PRKAG2: variants seen among roughly 807,000 people sequenced by gnomAD.
PRKAG2 encodes the protein protein kinase AMP-activated non-catalytic subunit gamma 2.
A neutral mutation model predicts 69.6 loss-of-function variants in PRKAG2; 26 were observed. The ratio of observed to expected loss-of-function variants is 0.37; its 90% confidence interval spans 0.27 to 0.52. The LOEUF (loss-of-function observed/expected upper bound fraction) is 0.52, where lower values mean the gene tolerates loss of function less well. Ranked by LOEUF, PRKAG2 falls within the 20% of genes least tolerant of loss-of-function variation. The pLI, the probability that PRKAG2 is intolerant of heterozygous loss-of-function variation, is 0.90. For missense variants in PRKAG2, 557 were observed against 740.0 expected, an observed-to-expected ratio of 0.75 and a Z score of 2.87; for synonymous variants, 293 against 285.0, an observed-to-expected ratio of 1.03 and a Z score of -0.28.
intron 14 of PRKAG2, among the ~76,000 whole-genome samples, chr7:151,561,274 G>A (rs959707188): frequency 4.6e-5 from 7 of 152,142 alleles, no homozygotes; most frequent in South Asian, 4.1e-4. Context: ...GAAACACAAC[G>A]TAGCTATCAT....
intron 5 of PRKAG2, among the ~76,000 whole-genome samples, chr7:151,624,505 A>G (rs901860812): frequency 6.6e-6 from 1 of 152,240 alleles, no homozygotes; most frequent in East Asian, 1.9e-4. Context: ...AAAGGTTCCC[A>G]GACTAGTTCC....
At chr7:151,723,361 A>T (rs1372897441) in intron 3 of PRKAG2, among the ~76,000 whole-genome samples, 1 of 152,168 alleles carries the variant, frequency 6.6e-6, no homozygotes, top group Non-Finnish European at 1.5e-5. Context: ...TGATTGAAGG[A>T]CCATGACGCA....
intron 3 of PRKAG2, among the ~76,000 whole-genome samples, chr7:151,749,241 C>A (rs942264711): frequency 6.6e-6 from 1 of 152,210 alleles, no homozygotes. Flanking sequence ...GATAGTTAGA[C>A]CCTGAGTCAG....
chr7:151,611,377 G>A (rs1236136618), intron 5 of PRKAG2, among the ~76,000 whole-genome samples: 2 of 152,212 alleles, frequency 1.3e-5, no homozygotes, highest in African/African-American at 4.8e-5. Context: ...CTCAGATCCA[G>A]GGCGGTGCAG....
chr7:151,726,537 C>T (rs929729031), intron 3 of PRKAG2, among the ~76,000 whole-genome samples: 9 of 152,134 alleles, frequency 5.9e-5, no homozygotes, highest in African/African-American at 2.2e-4. Context: ...CTGTCACAGC[C>T]CCGACTGGAA....
In PRKAG2 at chr7:151,699,553, T is replaced by C. The variant is rs1177676589; in HGVS notation, c.467-23916A>G. Among the ~76,000 whole-genome samples the C allele has an allele frequency of 1.3e-5, 2 of 152,212 alleles. No individual in the cohort carries two copies. The highest frequency in any genetic ancestry group is 2.9e-5 in the Non-Finnish European group (2 of 68,036). On this transcript the variant is annotated intron_variant, in intron 3 of 15. Coordinates refer to ENST00000287878, the MANE Select transcript of PRKAG2 (RefSeq NM_016203.4). This position sits in a 1 kb window ranked among gnomAD's most constrained non-coding sequence, Gnocchi z 4.5. Reference sequence around the variant, plus strand: ...AATGGCAAAGGGCCTTTCAGACTACTTTTGCTTTGAAATAAATCAGTGAAT... The same window carrying C: ...AATGGCAAAGGGCCTTTCAGACTACCTTTGCTTTGAAATAAATCAGTGAAT...
rs564130332 is a variant in PRKAG2, at chr7:151,599,229, C to T, written c.755-3775G>A. On this transcript the variant is annotated intron_variant, in intron 5 of 15. Transcript: ENST00000287878. Reference sequence around the variant, plus strand: ...CACACTGATAAGGAAAAGGCAACACCGTCCAACCAATCATGGAAATCTAGG... The same window carrying T: ...CACACTGATAAGGAAAAGGCAACACTGTCCAACCAATCATGGAAATCTAGG... Among the ~76,000 whole-genome samples the T allele has an allele frequency of 4.6e-5, 7 of 152,160 alleles. No individual in the cohort carries two copies. The South Asian group carries it at 6.2e-4, about 14-fold the overall frequency.
chr7:151,568,629 T>G, intron 11 of PRKAG2, 87 bp downstream of exon 11: 1 of 1,439,300 alleles, frequency 6.9e-7, no homozygotes, highest in Non-Finnish European at 9.7e-7. Context: ...TTTCTTCTAC[T>G]GAGGGTAACA....
intron 3 of PRKAG2, among the ~76,000 whole-genome samples, chr7:151,763,712 C>T (rs1302043376): frequency 6.6e-6 from 1 of 152,238 alleles, no homozygotes; most frequent in Admixed American, 6.5e-5. Flanking sequence ...TCCTTGGCCT[C>T]TTTCATGGAC....
At chr7:151,600,002 T>A (rs1440210632) in intron 5 of PRKAG2, among the ~76,000 whole-genome samples, 1 of 152,208 alleles carries the variant, frequency 6.6e-6, no homozygotes, top group Non-Finnish European at 1.5e-5. Context: ...TGAAATACTT[T>A]CTCCGTCTGT....
chr7:151,755,272 C>G (rs573434575), intron 3 of PRKAG2, among the ~76,000 whole-genome samples: 12 of 152,248 alleles, frequency 7.9e-5, no homozygotes, highest in African/African-American at 2.2e-4. Flanking sequence ...CTGGGAGGCA[C>G]GGCACAGCAC....
intron 1 of PRKAG2, among the ~76,000 whole-genome samples, chr7:151,829,220 T>A (rs79311137): frequency 0.028 from 4,222 of 152,254 alleles, 179 homozygotes; most frequent in African/African-American, 0.096. Flanking sequence ...GATCTGAAAG[T>A]CATTTCTCCA....
chr7:151,662,922 T>C (rs184821828), intron 4 of PRKAG2, among the ~76,000 whole-genome samples: 1 of 152,110 alleles, frequency 6.6e-6, no homozygotes, highest in Non-Finnish European at 1.5e-5. Flanking sequence ...AACACAAGTC[T>C]GGGCTTGGCA....
At chr7:151,594,790 G>A (rs916978818) in intron 6 of PRKAG2, among the ~76,000 whole-genome samples, 2 of 151,712 alleles carry the variant, frequency 1.3e-5, no homozygotes. Flanking sequence ...ACAACTTGTG[G>A]ACTAAGCTTT....
At chr7:151,803,272 T>C (rs556785894) in intron 1 of PRKAG2, among the ~76,000 whole-genome samples, 1 of 152,308 alleles carries the variant, frequency 6.6e-6, no homozygotes, top group East Asian at 1.9e-4. Flanking sequence ...TAAGTGATTT[T>C]AAAGGTAATA....
chr7:151,614,873 C>T lies in PRKAG2; in HGVS notation c.754+17196G>A, dbSNP rs1487240401. Among the ~76,000 whole-genome samples, 1 of 152,204 alleles carries T rather than the reference C, an allele frequency of 6.6e-6. No homozygotes were observed. The highest frequency in any genetic ancestry group is 1.5e-5 in the Non-Finnish European group (1 of 68,040). ...CAGTCTCCTCACCTTTACACTGGAA[C>T]AAAAGAGCCTCAAAGGGGCCATGTG... On this transcript the variant is annotated intron_variant, in intron 5 of 15. Coordinates refer to ENST00000287878, the MANE Select transcript of PRKAG2 (RefSeq NM_016203.4). The surrounding 1 kb of genome is among the most constrained non-coding windows in gnomAD (Gnocchi z 4.4).
In PRKAG2 at chr7:151,795,879, ATATATATATAT is replaced by A. The variant is rs1563689714; in HGVS notation, c.115-9349_115-9339del. On this transcript the variant is annotated intron_variant, in intron 1 of 15. Transcript: ENST00000287878. ...TATATATATATATATATATATATAT[ATATATATATAT>A]CACGATAATATGTATATGTAATCAT... 3.6e-4 allele frequency among the ~76,000 whole-genome samples: 42 copies of A among 115,874 alleles called. 1 individual carries two copies. The highest frequency in any genetic ancestry group is 1.4e-3 in the African/African-American group (40 of 28,416). The allele number at this position is 115,874 out of a possible 152,430, so 76.0% of individuals were successfully genotyped here. A position where few individuals can be genotyped will look rare whatever the true frequency, so the allele number is the denominator to read the frequency against.
intron 3 of PRKAG2, among the ~76,000 whole-genome samples, chr7:151,710,732 T>C (rs1391535774): frequency 6.6e-6 from 1 of 152,224 alleles, no homozygotes; most frequent in Non-Finnish European, 1.5e-5. Context: ...TCCGCCCAGA[T>C]ACACACATGG....
At chr7:151,813,360 C>T (rs1021722748) in intron 1 of PRKAG2, among the ~76,000 whole-genome samples, 4 of 152,038 alleles carry the variant, frequency 2.6e-5, no homozygotes, top group Non-Finnish European at 4.4e-5. Context: ...TTCAGATGCA[C>T]AGAATCAAGC....
Sources: allele counts gnomAD v4.1 joint callset (sites outside exome capture counted in the v4.1 genomes callset), GRCh38; gene constraint gnomAD v4.1.1; non-coding constraint Gnocchi (gnomAD v3.1); transcripts MANE v1.5; gene names NCBI Gene and HGNC (gene_info 2026-07-23, HGNC 2026-07-21).